DENND1B: variants seen among roughly 807,000 people sequenced by gnomAD.
The protein encoded by DENND1B is DENN domain containing 1B, also known as DENN domain-containing protein 1B.
DENND1B carries 59 observed loss-of-function variants against 90.1 expected under a neutral mutation model. The ratio of observed to expected loss-of-function variants is 0.65; its 90% CI spans 0.53 to 0.81. The LOEUF (loss-of-function observed/expected upper bound fraction) is 0.81, where lower values mean the gene tolerates loss of function less well. Ranked by LOEUF, DENND1B falls within the 40% of genes least tolerant of loss-of-function variation. The probability of loss-of-function intolerance (pLI) is 0.00; values close to 1 mark genes in which losing one functional copy is unlikely to be tolerated. For synonymous variants in DENND1B, 337 were observed against 324.6 expected, an observed-to-expected ratio of 1.04 and a Z score of -0.41; for missense variants, 862 against 912.6, an observed-to-expected ratio of 0.94 and a Z score of 0.71.
chr1:197,594,416 G>T (rs1429754389), intron 14 of DENND1B, among the ~76,000 whole-genome samples: 2 of 152,142 alleles, frequency 1.3e-5, no homozygotes, highest in Non-Finnish European at 2.9e-5. Flanking sequence ...TCAAAATCTA[G>T]AGAGACTAAG....
chr1:197,583,552 A>C (rs964796878), intron 14 of DENND1B, among the ~76,000 whole-genome samples: 1 of 152,182 alleles, frequency 6.6e-6, no homozygotes, highest in Non-Finnish European at 1.5e-5. Context: ...TGAGTATTAA[A>C]CATAGCACAC....
At chr1:197,564,249 G>A (rs1039288150) in intron 15 of DENND1B, among the ~76,000 whole-genome samples, 2 of 151,696 alleles carry the variant, frequency 1.3e-5, no homozygotes, top group Admixed American at 1.3e-4. Context: ...ATGCTACAAA[G>A]AAATCTCTCA....
chr1:197,745,072 T>C (rs141859641), intron 2 of DENND1B, among the ~76,000 whole-genome samples: 21 of 152,332 alleles, frequency 1.4e-4, no homozygotes, highest in African/African-American at 4.8e-4. Flanking sequence ...AGGCTGTGAC[T>C]TAAAGCAATG....
chr1:197,515,825 C>G (rs1214289824), intron 20 of DENND1B, among the ~76,000 whole-genome samples: 4 of 151,872 alleles, frequency 2.6e-5, no homozygotes, highest in African/African-American at 7.2e-5. Flanking sequence ...TTTGCCCAAG[C>G]ACACACACTT....
At chr1:197,609,486 T>C (rs1676992120) in intron 12 of DENND1B, among the ~76,000 whole-genome samples, 2 of 150,604 alleles carry the variant, frequency 1.3e-5, no homozygotes, top group South Asian at 2.1e-4. Context: ...CTTGAGTTCA[T>C]CCCCAAAGTC....
At chr1:197,726,003 TACACAC>T (rs35137997) in intron 2 of DENND1B, among the ~76,000 whole-genome samples, 1 of 151,376 alleles carries the variant, frequency 6.6e-6, no homozygotes, top group African/African-American at 2.4e-5. Flanking sequence ...TATATACATA[TACACAC>T]ACACACACAT....
chr1:197,681,429 C>T (rs895433656), intron 3 of DENND1B, among the ~76,000 whole-genome samples: 8 of 152,046 alleles, frequency 5.3e-5, no homozygotes, highest in African/African-American at 1.9e-4. Flanking sequence ...CAGATATTTT[C>T]AATTTAAGGG....
intron 2 of DENND1B, among the ~76,000 whole-genome samples, chr1:197,727,105 G>A (rs1661710358): frequency 6.6e-6 from 1 of 152,040 alleles, no homozygotes; most frequent in Non-Finnish European, 1.5e-5. Context: ...TAACCTTTGA[G>A]GTCAAGATTA....
intron 2 of DENND1B, chr1:197,734,637 A>C: frequency 1.0e-6 from 1 of 985,208 alleles, no homozygotes; most frequent in Non-Finnish European, 1.2e-6. Flanking sequence ...ACTTTGCAAA[A>C]TAATCAGAAT....
At chr1:197,547,076 C>T (rs978303720) in intron 16 of DENND1B, among the ~76,000 whole-genome samples, 2 of 152,138 alleles carry the variant, frequency 1.3e-5, no homozygotes, top group Non-Finnish European at 2.9e-5. Flanking sequence ...TAAATACTCC[C>T]TAAGTCGCAG....
chr1:197,773,215 G>C (rs553108850), intron 1 of DENND1B, among the ~76,000 whole-genome samples: 1 of 152,276 alleles, frequency 6.6e-6, no homozygotes, highest in South Asian at 2.1e-4. Context: ...TAATAGTGAG[G>C]ATTATAAATC....
At chr1:197,656,586 G>A (rs1653852868) in intron 6 of DENND1B, among the ~76,000 whole-genome samples, 1 of 152,064 alleles carries the variant, frequency 6.6e-6, no homozygotes, top group South Asian at 2.1e-4. Context: ...GATCCCTTGA[G>A]GCCAAGAATT....
intron 10 of DENND1B, among the ~76,000 whole-genome samples, chr1:197,637,848 T>C (rs1387070181): frequency 6.6e-6 from 1 of 152,158 alleles, no homozygotes; most frequent in Non-Finnish European, 1.5e-5. Context: ...GGCACAAAAA[T>C]ACACTTTAAT....
intron 18 of DENND1B, among the ~76,000 whole-genome samples, chr1:197,545,366 C>T (rs1244451441): frequency 1.3e-5 from 2 of 152,004 alleles, no homozygotes; most frequent in African/African-American, 4.8e-5. Flanking sequence ...GATCGTGCCA[C>T]TGCACTCCAG....
intron 5 of DENND1B, among the ~76,000 whole-genome samples, chr1:197,666,783 A>G (rs1654976410): frequency 6.6e-6 from 1 of 152,224 alleles, no homozygotes; most frequent in Non-Finnish European, 1.5e-5. Context: ...AAACCATTGT[A>G]TGAATAGCTC....
intron 16 of DENND1B, chr1:197,552,561 C>G: frequency 1.0e-6 from 1 of 985,286 alleles, no homozygotes; most frequent in South Asian, 4.7e-5. Flanking sequence ...GTAAAGACAT[C>G]TGTATAATAA....
chr1:197,646,493 A>G (rs1176279383), intron 8 of DENND1B, among the ~76,000 whole-genome samples: 1 of 151,952 alleles, frequency 6.6e-6, no homozygotes, highest in Admixed American at 6.6e-5. Flanking sequence ...ATCAAAGTGC[A>G]ATTTAATCAT....
intron 6 of DENND1B, among the ~76,000 whole-genome samples, chr1:197,654,566 C>T (rs1653603650): frequency 6.6e-6 from 1 of 151,510 alleles, no homozygotes; most frequent in South Asian, 2.1e-4. Context: ...GCCGAGATCG[C>T]ACCACTGCCC....
At chr1:197,526,766 A>T (rs1167622151) in intron 20 of DENND1B, among the ~76,000 whole-genome samples, 2 of 152,188 alleles carry the variant, frequency 1.3e-5, no homozygotes. Context: ...TTAAAAATGA[A>T]GTCCAAGCAA....
Sources: gnomAD v4.1 joint callset for allele counts (sites outside exome capture counted in the v4.1 genomes callset) on GRCh38, gnomAD v4.1.1 for gene constraint, MANE v1.5 for transcripts, NCBI Gene and HGNC (gene_info 2026-07-23, HGNC 2026-07-21) for gene names.